The following CAPZB variants were observed in gnomAD, a reference collection of about 807,000 sequenced individuals.
CAPZB encodes F-actin-capping protein subunit beta.
In CAPZB, 2 loss-of-function variants were observed where a neutral mutation model predicts 38.1. The ratio of observed to expected loss-of-function variants is 0.05; its 90% CI spans 0.02 to 0.17. The LOEUF (loss-of-function observed/expected upper bound fraction) is 0.17, where lower values mean the gene tolerates loss of function less well. Among genes scored for constraint, CAPZB ranks in the 10% least tolerant of loss-of-function variants. CAPZB has a pLI of 1.00. For missense variants in CAPZB, 161 were observed against 334.2 expected (o/e 0.48, Z 4.04); for synonymous variants, 107 against 127.4 (o/e 0.84, Z 1.08).
chr1:19,427,244 G>A (rs1456196777), intron 1 of CAPZB, among the ~76,000 whole-genome samples: 1 of 152,174 alleles, frequency 6.6e-6, no homozygotes, highest in African/African-American at 2.4e-5. Context: ...CTGCTGTAGT[G>A]GCTGGTTAAG....
intron 1 of CAPZB, among the ~76,000 whole-genome samples, chr1:19,461,728 G>A (rs2094552553): frequency 1.3e-5 from 2 of 152,206 alleles, no homozygotes; most frequent in African/African-American, 4.8e-5. Context: ...CTGAAGAAGA[G>A]TTTGGAATGG....
chr1:19,365,344 C>T (rs1440525509), intron 4 of CAPZB, among the ~76,000 whole-genome samples: 1 of 152,110 alleles, frequency 6.6e-6, no homozygotes, highest in Non-Finnish European at 1.5e-5. Flanking sequence ...ACTCTTCCCC[C>T]GAAGTCTTTA....
At chr1:19,360,325 G>A (rs1318677412) in intron 4 of CAPZB, among the ~76,000 whole-genome samples, 1 of 152,186 alleles carries the variant, frequency 6.6e-6, no homozygotes, top group Non-Finnish European at 1.5e-5. Flanking sequence ...AAAAGAGGGG[G>A]AAGAAAAACA....
At chr1:19,377,511 G>A (rs527608185) in intron 4 of CAPZB, among the ~76,000 whole-genome samples, 155 of 152,242 alleles carry the variant, frequency 1.0e-3, no homozygotes, top group African/African-American at 3.7e-3. Flanking sequence ...CTACAGACTG[G>A]GGGCCAAGCC....
chr1:19,451,109 C>T (rs1176410186), intron 1 of CAPZB, among the ~76,000 whole-genome samples: 1 of 152,176 alleles, frequency 6.6e-6, no homozygotes, highest in Non-Finnish European at 1.5e-5. Context: ...CCAAATCAGC[C>T]ATGTTAAGGG....
At chr1:19,395,502 G>C (rs577747075) in intron 2 of CAPZB, among the ~76,000 whole-genome samples, 1 of 152,298 alleles carries the variant, frequency 6.6e-6, no homozygotes, top group African/African-American at 2.4e-5. Flanking sequence ...TCACAGCCTG[G>C]AAGGGGCCAC....
intron 1 of CAPZB, among the ~76,000 whole-genome samples, chr1:19,433,884 A>G (rs534269335): frequency 1.1e-4 from 16 of 152,110 alleles, no homozygotes; most frequent in Admixed American, 3.3e-4. Context: ...ACTCTATTAC[A>G]GCACCACGCT....
chr1:19,413,018 T>C (rs1350055506), intron 2 of CAPZB, among the ~76,000 whole-genome samples: 2 of 152,218 alleles, frequency 1.3e-5, no homozygotes, highest in African/African-American at 4.8e-5. Context: ...GCACCTAGAA[T>C]AGTGTCTGGT....
intron 3 of CAPZB, among the ~76,000 whole-genome samples, chr1:19,381,234 TAAA>T (rs1356936213): frequency 2.6e-5 from 4 of 151,448 alleles, no homozygotes; most frequent in Admixed American, 2.6e-4. Context: ...ATAAATAAAA[TAAA>T]AAAGCATGAA....
chr1:19,427,322 T>A (rs1192153381), intron 1 of CAPZB, among the ~76,000 whole-genome samples: 1 of 152,024 alleles, frequency 6.6e-6, no homozygotes, highest in Non-Finnish European at 1.5e-5. Flanking sequence ...GCCTTCAGAG[T>A]TTGTTCTTAA....
rs546521318 is a variant in CAPZB at position 19,477,892 on chromosome 1, C to G, written c.3+7544G>C. Reference sequence around the variant, plus strand: ...ACACCACAGCACCTGGTTTAACTTTCTATTTTAAGTTAAAGTACTTCACTT... The same window carrying G: ...ACACCACAGCACCTGGTTTAACTTTGTATTTTAAGTTAAAGTACTTCACTT... On this transcript the variant is annotated intron_variant, in intron 1 of 8. Coordinates refer to ENST00000264202, the MANE Select transcript of CAPZB (RefSeq NM_004930.5). Among the ~76,000 whole-genome samples, 13 of 152,324 alleles carry G rather than the reference C, an allele frequency of 8.5e-5. No homozygotes were observed. The South Asian group carries it at 2.7e-3, about 32-fold the overall frequency.
chr1:19,386,502 C>T (rs943703996), intron 2 of CAPZB, among the ~76,000 whole-genome samples: 2 of 152,220 alleles, frequency 1.3e-5, no homozygotes, highest in East Asian at 1.9e-4. Context: ...TATCGTTTAC[C>T]AGGAAAGTGC....
At chr1:19,460,663 T>A (rs1273132714) in intron 1 of CAPZB, among the ~76,000 whole-genome samples, 1 of 131,840 alleles carries the variant, frequency 7.6e-6, no homozygotes, top group Non-Finnish European at 1.5e-5. Context: ...TCCACCCACC[T>A]CAGCATCACA....
At chr1:19,464,289 ATTTT>A (rs891453430) in intron 1 of CAPZB, among the ~76,000 whole-genome samples, 5 of 132,552 alleles carry the variant, frequency 3.8e-5, no homozygotes, top group African/African-American at 8.7e-5. Flanking sequence ...ATCTCTGAAG[ATTTT>A]TTTTTTTTTT....
intron 7 of CAPZB, among the ~76,000 whole-genome samples, chr1:19,344,644 G>C (rs2093950987): frequency 6.6e-6 from 1 of 152,242 alleles, no homozygotes; most frequent in African/African-American, 2.4e-5. Flanking sequence ...TCCACAGGCA[G>C]GGAGGAAGCC....
At chr1:19,484,976 G>A (rs927089828) in intron 1 of CAPZB, among the ~76,000 whole-genome samples, 2 of 152,176 alleles carry the variant, frequency 1.3e-5, no homozygotes, top group South Asian at 2.1e-4. Flanking sequence ...AAGGGGGAGG[G>A]ACAGAGGGAG....
chr1:19,438,949 C>G (rs1470242347), intron 1 of CAPZB, among the ~76,000 whole-genome samples: 1 of 152,188 alleles, frequency 6.6e-6, no homozygotes, highest in African/African-American at 2.4e-5. Flanking sequence ...AGATTAAATC[C>G]AGAGCAAGGG....
chr1:19,363,346 T>A lies in CAPZB; in HGVS notation c.330-5783A>T, dbSNP rs1247581173. ...CGTTTATCAGCACAGCCAATTACAATTAAACATCTGGTTGGGTTTTTGTCT... is the reference window on the plus strand; with the variant it reads ...CGTTTATCAGCACAGCCAATTACAAATAAACATCTGGTTGGGTTTTTGTCT... On this transcript the variant is annotated intron_variant, in intron 4 of 8. Transcript: ENST00000264202. Among the ~76,000 whole-genome samples the A allele has an allele frequency of 1.3e-5, 2 of 150,650 alleles. 1 individual carries two copies. Among genetic ancestry groups the A allele is most frequent in the Non-Finnish European group, 3.0e-5 (2 of 67,752 alleles).
chr1:19,442,612 ACACTCG>A (rs2094481528), intron 1 of CAPZB, among the ~76,000 whole-genome samples: 1 of 149,044 alleles, frequency 6.7e-6, no homozygotes. Flanking sequence ...TCTCACACTC[ACACTCG>A]CACTCGGTCC....
Sources: allele counts gnomAD v4.1 joint callset (sites outside exome capture counted in the v4.1 genomes callset), GRCh38; gene constraint gnomAD v4.1.1; transcripts MANE v1.5; gene names NCBI Gene and HGNC (gene_info 2026-07-23, HGNC 2026-07-21).